Variants in BRINP3 observed in about 807,000 individuals in gnomAD.
BRINP3 encodes BMP/retinoic acid inducible neural specific 3.
Under a neutral mutation model 71.0 loss-of-function variants are expected in BRINP3, and 19 were observed. That is an observed-to-expected ratio of 0.27 (90% CI 0.19 to 0.39). BRINP3 has a LOEUF of 0.39. Ranked by LOEUF, BRINP3 falls within the 10% of genes least tolerant of loss-of-function variation. The pLI is 1.00. For missense variants in BRINP3, 959 were observed against 940.8 expected, an observed-to-expected ratio of 1.02 and a Z score of -0.25; for synonymous variants, 380 against 337.7, an observed-to-expected ratio of 1.13 and a Z score of -1.37.
chr1:190,283,312 T>C (rs983980368), intron 2 of BRINP3, among the ~76,000 whole-genome samples: 1 of 151,996 alleles, frequency 6.6e-6, no homozygotes, highest in Non-Finnish European at 1.5e-5. Flanking sequence ...GAGATTCTGA[T>C]TCATTAGGTA....
chr1:190,297,510 G>A (rs1313309057), intron 2 of BRINP3, among the ~76,000 whole-genome samples: 1 of 152,048 alleles, frequency 6.6e-6, no homozygotes, highest in African/African-American at 2.4e-5. Context: ...TGTCAGCTGT[G>A]GAATTTCATA....
chr1:190,268,756 G>A (rs1372123720), intron 3 of BRINP3, among the ~76,000 whole-genome samples: 3 of 152,060 alleles, frequency 2.0e-5, no homozygotes, highest in Admixed American at 6.6e-5. Context: ...TGAAACACAC[G>A]AATATTATCT....
chr1:190,227,927 A>G (rs866195063), intron 5 of BRINP3, among the ~76,000 whole-genome samples: 56 of 152,070 alleles, frequency 3.7e-4, no homozygotes, highest in African/African-American at 1.3e-3. Context: ...GTGGGATACT[A>G]AGAGTGGTAC....
chr1:190,317,356 C>T (rs1458883372), intron 2 of BRINP3, among the ~76,000 whole-genome samples: 1 of 151,998 alleles, frequency 6.6e-6, no homozygotes, highest in Non-Finnish European at 1.5e-5. Flanking sequence ...CACATCAAAC[C>T]TCCATGAATG....
At chr1:190,422,310 C>T (rs1346720992) in intron 2 of BRINP3, among the ~76,000 whole-genome samples, 1 of 151,744 alleles carries the variant, frequency 6.6e-6, no homozygotes, top group Non-Finnish European at 1.5e-5. Context: ...TCATTTTCAG[C>T]ATAGAGATGG....
chr1:190,195,558 C>A (rs867767893), intron 6 of BRINP3, among the ~76,000 whole-genome samples: 57 of 152,006 alleles, frequency 3.7e-4, no homozygotes, highest in African/African-American at 1.3e-3. Context: ...CACATTTATT[C>A]ACTTTTCCTT....
At chr1:190,227,526 A>G (rs968970604) in intron 5 of BRINP3, among the ~76,000 whole-genome samples, 2 of 151,838 alleles carry the variant, frequency 1.3e-5, no homozygotes, top group Non-Finnish European at 2.9e-5. Context: ...TCTGCAGTAT[A>G]TTTAAGAAAA....
chr1:190,284,518 C>T (rs1431901065), intron 2 of BRINP3, among the ~76,000 whole-genome samples: 2 of 151,918 alleles, frequency 1.3e-5, no homozygotes, highest in African/African-American at 4.8e-5. Context: ...GCTTAGTTAG[C>T]CCAACTCCTC....
chr1:190,354,342 G>T (rs1325841130), intron 2 of BRINP3, among the ~76,000 whole-genome samples: 1 of 151,880 alleles, frequency 6.6e-6, no homozygotes, highest in Non-Finnish European at 1.5e-5. Flanking sequence ...AAACTACGAT[G>T]CACGGACAGC....
At chr1:190,425,793 A>G (rs2102480553) in intron 2 of BRINP3, among the ~76,000 whole-genome samples, 1 of 151,952 alleles carries the variant, frequency 6.6e-6, no homozygotes, top group Non-Finnish European at 1.5e-5. Flanking sequence ...AATAACCATT[A>G]GACCCAAACA....
chr1:190,154,118 AAG>A (rs963617625), intron 7 of BRINP3: 80 of 918,016 alleles, frequency 8.7e-5, no homozygotes, highest in East Asian at 1.2e-4. Context: ...AGCTAGGGGA[AAG>A]AGATAAAAAA....
rs527765055 is a variant in BRINP3, at chr1:190,100,423, T to G, written c.1185-1289A>C. ...AATACCCATTTGCCAAAATCTTGTA[T>G]GTTTTCTTTCATAGCTACATAACCT... On this transcript the variant is annotated intron_variant, in intron 7 of 7. Transcript: ENST00000367462. Among the ~76,000 whole-genome samples, 6 of 152,314 alleles carry G rather than the reference T, an allele frequency of 3.9e-5. No individual in the cohort carries two copies. The East Asian group carries it at 1.2e-3, about 29-fold the overall frequency.
chr1:190,292,562 A>C (rs775029345), intron 2 of BRINP3, among the ~76,000 whole-genome samples: 1 of 152,032 alleles, frequency 6.6e-6, no homozygotes, highest in Non-Finnish European at 1.5e-5. Flanking sequence ...AAGGGAAGGG[A>C]GAATCACTTG....
intron 7 of BRINP3, among the ~76,000 whole-genome samples, chr1:190,160,276 T>G (rs2102457002): frequency 6.6e-6 from 1 of 152,210 alleles, no homozygotes; most frequent in South Asian, 2.1e-4. Flanking sequence ...CATCTTGAAT[T>G]ATTTTATTTG....
chr1:190,376,075 C>T (rs1010484296), intron 2 of BRINP3, among the ~76,000 whole-genome samples: 1 of 151,956 alleles, frequency 6.6e-6, no homozygotes, highest in African/African-American at 2.4e-5. Flanking sequence ...AAGGCACTCA[C>T]AGTTGCCAAG....
intron 2 of BRINP3, among the ~76,000 whole-genome samples, chr1:190,317,697 C>T (rs1398154159): frequency 6.6e-6 from 1 of 151,980 alleles, no homozygotes; most frequent in East Asian, 1.9e-4. Flanking sequence ...TTTTTTCATA[C>T]ATCTATGCCT....
chr1:190,183,976 GA>G (rs1426397394), intron 6 of BRINP3, among the ~76,000 whole-genome samples: 3 of 152,208 alleles, frequency 2.0e-5, no homozygotes, highest in Admixed American at 2.0e-4. Flanking sequence ...TGTGCCTAGA[GA>G]GAGCAGACTT....
intron 2 of BRINP3, among the ~76,000 whole-genome samples, chr1:190,348,285 T>C (rs919083688): frequency 1.3e-5 from 2 of 152,154 alleles, no homozygotes; most frequent in Non-Finnish European, 2.9e-5. Flanking sequence ...ACTTTATAAA[T>C]GTTTGGGCCA....
At chr1:190,218,777 T>C (rs1166632452) in intron 6 of BRINP3, among the ~76,000 whole-genome samples, 1 of 152,070 alleles carries the variant, frequency 6.6e-6, no homozygotes, top group African/African-American at 2.4e-5. Context: ...TCTGCTTCCA[T>C]TATTTTGGTT....
Sources: allele counts gnomAD v4.1 joint callset (sites outside exome capture counted in the v4.1 genomes callset), GRCh38; gene constraint gnomAD v4.1.1; transcripts MANE v1.5; gene names NCBI Gene and HGNC (gene_info 2026-07-23, HGNC 2026-07-21).